Variants in DNAJB1 observed in about 807,000 individuals in gnomAD.
DNAJB1 encodes the protein dnaJ homolog subfamily B member 1.
Under a neutral mutation model 24.0 loss-of-function variants are expected in DNAJB1, and 14 were observed. The ratio of observed to expected loss-of-function variants is 0.58; its 90% CI spans 0.39 to 0.91. The LOEUF is 0.91. Ranked by LOEUF, DNAJB1 falls within the 40% of genes least tolerant of loss-of-function variation. The pLI is 0.00. For synonymous variants in DNAJB1, 262 were observed against 174.4 expected (o/e 1.50, Z -3.96); for missense variants, 517 against 458.1 (o/e 1.13, Z -1.17).
At chr19:14,545,591 C>T (rs538856728) in intron 1 of DNAJB1, 11 of 195,328 alleles carry the variant, frequency 5.6e-5, no homozygotes, top group Middle Eastern at 2.3e-3. Flanking sequence ...TTGTTACACC[C>T]GCCTGACTGC....
Position 14,518,176 on chromosome 19 carries a change from C to A in DNAJB1, c.174G>T (p.Pro58=). ...IAEAYDVLSD[P]RKREIFDRYG... ...AGCGGTCGAAGATCTCGCGCTTGCG[C>A]GGGTCGCTGAGCACGTCGTAGGCCT... The change falls in exon 1 of 3, where the codon CCG becomes CCT. Residue 58 remains proline, a synonymous_variant. Transcript: ENST00000254322. 11 of 1,589,542 alleles carry A rather than the reference C, an allele frequency of 6.9e-6. No individual in the cohort carries two copies. Among genetic ancestry groups the A allele is most frequent in the Non-Finnish European group, 9.4e-6 (11 of 1,168,936 alleles).
intron 1 of DNAJB1, among the ~76,000 whole-genome samples, chr19:14,542,758 A>T (rs1325206114): frequency 6.6e-6 from 1 of 151,028 alleles, no homozygotes. Context: ...GAGCAGAGCG[A>T]CTCACCCCAG....
intron 1 of DNAJB1, among the ~76,000 whole-genome samples, chr19:14,544,366 T>G (rs555911271): frequency 3.3e-4 from 50 of 152,112 alleles, no homozygotes; most frequent in African/African-American, 1.2e-3. Flanking sequence ...AGTATGTGTA[T>G]GTTTGATAGA....
upstream of DNAJB1, among the ~76,000 whole-genome samples, chr19:14,550,869 A>G (rs1190224870): frequency 6.6e-6 from 1 of 151,884 alleles, no homozygotes; most frequent in Non-Finnish European, 1.5e-5. Context: ...ACAGGGTTTC[A>G]CCATGTTAGC....
upstream of DNAJB1, among the ~76,000 whole-genome samples, chr19:14,522,784 C>G (rs2072377651): frequency 6.6e-6 from 1 of 151,536 alleles, no homozygotes; most frequent in African/African-American, 2.4e-5. Context: ...GATACAGGAA[C>G]TATGCAAGTG....
At chr19:14,535,826 A>G (rs908657828) in intron 1 of DNAJB1, among the ~76,000 whole-genome samples, 1 of 147,318 alleles carries the variant, frequency 6.8e-6, no homozygotes, top group Non-Finnish European at 1.5e-5. Context: ...GACCTTTCCT[A>G]TGTTAGCCTG....
At position 14,525,815 on chromosome 19, in the gene DNAJB1, AAAG is replaced by A. The variant is rs1038267092; in HGVS notation, c.-90+1908_-90+1910del. Among the ~76,000 whole-genome samples the A allele has an allele frequency of 9.2e-5, 14 of 152,128 alleles. No individual in the cohort carries two copies. In the East Asian group the frequency reaches 1.4e-3, roughly 15 times the overall value. ...AATTACACTTCAATGAAAAAAAAAA[AAAG>A]AAGGAGAAAAACCAAACAACCCAGG... On this transcript the variant is annotated intron_variant, in intron 2 of 3. Coordinates refer to the DNAJB1 transcript ENST00000396969.
chr19:14,522,000 C>G (rs115330843), upstream of DNAJB1, among the ~76,000 whole-genome samples: 2,556 of 152,034 alleles, frequency 0.017, 58 homozygotes, highest in African/African-American at 0.054. Context: ...AACCCAGTAA[C>G]TCTCTCCTAA....
At chr19:14,529,547 C>T (rs1189686448), upstream of DNAJB1, 2 of 1,212,400 alleles carry the variant, frequency 1.6e-6, no homozygotes, top group East Asian at 2.4e-5. Context: ...CCTGATTGGC[C>T]GACGGGGCGC....
chr19:14,559,870 CCT>C (rs1482637091), intron 1 of DNAJB1, among the ~76,000 whole-genome samples: 4 of 152,140 alleles, frequency 2.6e-5, no homozygotes, highest in African/African-American at 9.7e-5. Context: ...GCCTTTCAGT[CCT>C]CTCTCTAGGA....
At position 14,515,747 on chromosome 19, in the gene DNAJB1, C is replaced by CT; in HGVS notation, c.*192dup. 3 of 578,992 alleles carry CT rather than the reference C, an allele frequency of 5.2e-6. No homozygotes were observed. The highest frequency in any genetic ancestry group is 5.9e-6 in the Non-Finnish European group (2 of 337,834). 35.9% of individuals were successfully genotyped at this position (578,992 alleles called of 1,614,324 possible). ...CCTGCTGTTCCCACCACCTGATGCCCTATAGCTCGAAAAACCACTGAAGTC... is the reference window on the plus strand; with the variant it reads ...CCTGCTGTTCCCACCACCTGATGCCCTTATAGCTCGAAAAACCACTGAAGTC... On this transcript the variant is annotated 3_prime_UTR_variant, in exon 3 of 3. Coordinates refer to ENST00000254322, the MANE Select transcript of DNAJB1 (RefSeq NM_006145.3).
In DNAJB1 at chr19:14,516,070, G is replaced by T. The variant is rs148288780; in HGVS notation, c.893C>A (p.Pro298His). 1.2e-6 allele frequency: 2 copies of T among 1,613,818 alleles called. No homozygotes were observed. Among genetic ancestry groups the T allele is most frequent in the Non-Finnish European group, 1.7e-6 (2 of 1,179,870 alleles). Reference sequence around the variant, plus strand: ...TTTGGGGAGGGGGAGGCCTTCTCCAGGAACTTTTCGCCGCATGCCAGGCCT... The same window carrying T: ...TTTGGGGAGGGGGAGGCCTTCTCCATGAACTTTTCGCCGCATGCCAGGCCT... ...VIRPGMRRKV[P>H]GEGLPLPKTP... The change falls in exon 3 of 3, where the codon CCT becomes CAT. Residue 298 changes from proline to histidine, a missense_variant. Transcript: ENST00000254322.
upstream of DNAJB1, among the ~76,000 whole-genome samples, chr19:14,553,807 G>A (rs183513591): frequency 2.6e-5 from 4 of 152,262 alleles, no homozygotes; most frequent in Non-Finnish European, 4.4e-5. Context: ...GAGCTCAGGC[G>A]ATGAGTGCAG....
intron 2 of DNAJB1, among the ~76,000 whole-genome samples, chr19:14,524,316 C>A (rs566469597): frequency 3.3e-5 from 5 of 151,652 alleles, no homozygotes; most frequent in Admixed American, 6.6e-5. Flanking sequence ...ATCACTTGAG[C>A]CCAGGAGTTC....
At chr19:14,560,133 C>T (rs1017215682) in exon 1 of DNAJB1, among the ~76,000 whole-genome samples, 14 of 152,188 alleles carry the variant, frequency 9.2e-5, no homozygotes, top group African/African-American at 2.9e-4. Context: ...CCCCTCCTGC[C>T]GCAGCCCGGC....
rs61736944 is a variant in DNAJB1 at position 14,516,021 on chromosome 19, G to A, written c.942C>T (p.Leu314=). 1.2e-3 allele frequency: 1,898 copies of A among 1,612,522 alleles called. 4 individuals carry two copies. The highest frequency in any genetic ancestry group is 1.8e-3 in the Middle Eastern group (11 of 6,060). Residue 314 remains leucine, a synonymous_variant, in exon 3 of 3, where the codon CTC becomes CTT. Coordinates refer to ENST00000254322, the MANE Select transcript of DNAJB1 (RefSeq NM_006145.3). Reference sequence around the variant, plus strand: ...GGAAGATCACTTCAAACTCAATAATGAGGTCCCCACGTTTCTCGGGTGTTT... The same window carrying A: ...GGAAGATCACTTCAAACTCAATAATAAGGTCCCCACGTTTCTCGGGTGTTT... ...LPKTPEKRGD[L]IIEFEVIFPE...
rs2072238418 is a variant in DNAJB1, at chr19:14,515,423, T to A, written c.*517A>T. On this transcript the variant is annotated 3_prime_UTR_variant, in exon 3 of 3. Transcript: ENST00000254322. ...AACCAGGCAGTTCTGCAGGAATAGT[T>A]TAGGTTCTCAATTTGAGATGGCCAA... The A allele has an allele frequency of 6.5e-6, 1 of 154,686 alleles. No individual in the cohort carries two copies. The allele number at this position is 154,686 out of a possible 1,614,324, so 9.6% of individuals were successfully genotyped here.
At chr19:14,517,775 G>T in intron 1 of DNAJB1, 1 of 199,052 alleles carries the variant, frequency 5.0e-6, no homozygotes, top group Non-Finnish European at 1.0e-5. Flanking sequence ...CGCGGACCCC[G>T]GCGGCCGAGC....
upstream of DNAJB1, among the ~76,000 whole-genome samples, chr19:14,521,336 G>A (rs2072356884): frequency 6.6e-6 from 1 of 151,974 alleles, no homozygotes; most frequent in Non-Finnish European, 1.5e-5. Context: ...GCAGGTGCCT[G>A]TAATCCCAGC....
Sources: gnomAD v4.1 joint callset for allele counts (sites outside exome capture counted in the v4.1 genomes callset) on GRCh38, gnomAD v4.1.1 for gene constraint, MANE v1.5 for transcripts, NCBI Gene and HGNC (gene_info 2026-07-23, HGNC 2026-07-21) for gene names.